The following MTERF4 variants were observed in gnomAD, a reference collection of about 807,000 sequenced individuals.
MTERF4 encodes mitochondrial transcription termination factor 4, also known as transcription termination factor 4, mitochondrial.
A neutral mutation model predicts 22.5 loss-of-function variants in MTERF4; 17 were observed. The observed-to-expected ratio is 0.75, with a 90% CI of 0.52 to 1.13. The LOEUF (loss-of-function observed/expected upper bound fraction) is 1.13. Ranked by LOEUF, MTERF4 falls within the 50% of genes most tolerant of loss-of-function variation. The pLI is 0.00. For synonymous variants in MTERF4, 165 were observed against 175.3 expected (o/e 0.94, Z 0.47); for missense variants, 420 against 466.8 (o/e 0.90, Z 0.92).
chr2:241,048,719 C>T, the MTERF4 span: 1 of 1,613,018 alleles, frequency 6.2e-7, no homozygotes, highest in South Asian at 1.1e-5. Flanking sequence ...GCCAACACCA[C>T]CCTCTGCCAG....
chr2:241,077,554 C>T (rs1344908904), intron 4 of MTERF4, among the ~76,000 whole-genome samples: 1 of 151,980 alleles, frequency 6.6e-6, no homozygotes, highest in African/African-American at 2.4e-5. Flanking sequence ...AGAGCTCTGA[C>T]AACTGAACAA....
At chr2:241,097,528 A>G (rs999695118) in intron 2 of MTERF4, 101 bp from the exon 3 acceptor site, 33 of 1,148,900 alleles carry the variant, frequency 2.9e-5, no homozygotes, top group Non-Finnish European at 4.0e-5. Context: ...AAAACAAACA[A>G]GGATCCTCTC....
chr2:241,052,379 C>T, the MTERF4 span: 5 of 1,585,382 alleles, frequency 3.2e-6, no homozygotes, highest in African/African-American at 2.7e-5. Flanking sequence ...TTCCGGAGCC[C>T]GTGTGTGAAT....
rs2062922593 is a variant in MTERF4 at position 241,074,480 on chromosome 2, TG to T, written n.1681del. On this transcript the variant is annotated non_coding_transcript_exon_variant, in exon 5 of 5. Coordinates refer to the MTERF4 transcript ENST00000464344. Reference sequence around the variant, plus strand: ...ACATTTCATCAGATGATTTGCATTATGTCAGCCCCTTTAAATACCAGGTGTT... The same window carrying T: ...ACATTTCATCAGATGATTTGCATTATTCAGCCCCTTTAAATACCAGGTGTT... 4 of 152,326 alleles carry T rather than the reference TG, an allele frequency of 2.6e-5. No homozygotes were observed. The East Asian group carries it at 7.7e-4, about 29-fold the overall frequency. The allele number at this position is 152,326 out of a possible 1,614,324, so 9.4% of individuals were successfully genotyped here. A position where few individuals can be genotyped will look rare whatever the true frequency, so the allele number is the denominator to read the frequency against.
downstream of MTERF4, chr2:241,087,569 G>A: frequency 6.8e-7 from 1 of 1,480,262 alleles, no homozygotes; most frequent in South Asian, 1.4e-5. Flanking sequence ...GCAGGCCTGT[G>A]GGCTGAGCCA....
At chr2:241,063,525 G>A in the MTERF4 span, 2 of 1,061,144 alleles carry the variant, frequency 1.9e-6, no homozygotes, top group Middle Eastern at 2.0e-4. Context: ...ACGGAATCCT[G>A]GGGGCATGTG....
downstream of MTERF4, among the ~76,000 whole-genome samples, chr2:241,089,565 CG>C (rs11315986): frequency 0.16 from 23,738 of 152,146 alleles, 2,534 homozygotes; most frequent in African/African-American, 0.31. Context: ...TCTGCCTCTT[CG>C]GATGTGGAAA....
chr2:241,064,890 C>T, the MTERF4 span: 15 of 1,585,218 alleles, frequency 9.5e-6, no homozygotes, highest in African/African-American at 1.4e-5. The surrounding 1 kb of genome is among the most constrained non-coding windows in gnomAD (Gnocchi z 7.0). Context: ...GTGGCTATTG[C>T]CTGGCCAGCA....
At chr2:241,088,444 G>A, downstream of MTERF4, 1 of 1,532,006 alleles carries the variant, frequency 6.5e-7, no homozygotes, top group Non-Finnish European at 9.0e-7. Context: ...CAGAGCTGCT[G>A]GGAAGTGGGG....
chr2:241,101,697 T>C (rs2064715382), intron 1 of MTERF4, among the ~76,000 whole-genome samples: 1 of 152,250 alleles, frequency 6.6e-6, no homozygotes, highest in African/African-American at 2.4e-5. Context: ...TCTATGCTGA[T>C]TCCGCTTCCT....
the MTERF4 span, among the ~76,000 whole-genome samples, chr2:241,042,811 G>A: frequency 1.6e-4 from 24 of 152,332 alleles, no homozygotes; most frequent in African/African-American, 5.5e-4. Flanking sequence ...AATTCAATAT[G>A]CATCACAGAG....
the MTERF4 span, chr2:241,053,125 G>A: frequency 1.8e-5 from 28 of 1,596,240 alleles, no homozygotes; most frequent in African/African-American, 1.1e-4. Context: ...GCACAGGACC[G>A]TGCGAGACAG....
At chr2:241,087,625 T>C, downstream of MTERF4, 1 of 1,440,198 alleles carries the variant, frequency 6.9e-7, no homozygotes, top group Non-Finnish European at 9.1e-7. Context: ...AGCCACGTTC[T>C]GCTACGAAAC....
At chr2:241,045,510 A>T in the MTERF4 span, among the ~76,000 whole-genome samples, 1 of 152,154 alleles carries the variant, frequency 6.6e-6, no homozygotes, top group Non-Finnish European at 1.5e-5. Flanking sequence ...AAATATAGCC[A>T]ATTAATTTTT....
the MTERF4 span, chr2:241,065,023 C>A: frequency 7.9e-7 from 1 of 1,261,956 alleles, no homozygotes; most frequent in Non-Finnish European, 1.1e-6. Flanking sequence ...GAGGGCCCAA[C>A]GGTCTCCAAG....
At chr2:241,089,477 T>G, downstream of MTERF4, 1 of 1,518,922 alleles carries the variant, frequency 6.6e-7, no homozygotes, top group African/African-American at 1.4e-5. Context: ...CCACACCCCC[T>G]TGGGGGAAAG....
the MTERF4 span, among the ~76,000 whole-genome samples, chr2:241,052,828 G>A: frequency 9.3e-3 from 1,049 of 112,722 alleles, 22 homozygotes; most frequent in East Asian, 0.027. Flanking sequence ...TACATGGGAT[G>A]CCGGTGTCAG....
In MTERF4 at chr2:241,095,901, A is replaced by C; in HGVS notation, c.*97T>G. ...GAGACCAGTTTTAGAATAAAAAATA[A>C]CTTGAGAAGATTCAAGTAAAGGACC... On this transcript the variant is annotated 3_prime_UTR_variant, in exon 4 of 4. Coordinates refer to ENST00000391980, the MANE Select transcript of MTERF4 (RefSeq NM_182501.4). The C allele has an allele frequency of 1.3e-6, 2 of 1,516,634 alleles. No individual in the cohort carries two copies. Among genetic ancestry groups the C allele is most frequent in the Non-Finnish European group, 1.8e-6 (2 of 1,136,370 alleles). The allele number at this position is 1,516,634 out of a possible 1,614,324, so 93.9% of individuals were successfully genotyped here.
At chr2:241,060,143 G>A in the MTERF4 span, among the ~76,000 whole-genome samples, 13 of 151,796 alleles carry the variant, frequency 8.6e-5, no homozygotes, top group Admixed American at 1.3e-4. Flanking sequence ...TTTTAAATGC[G>A]TAAAAGGAAC....
Sources: gnomAD v4.1 joint callset for allele counts (sites outside exome capture counted in the v4.1 genomes callset) on GRCh38, gnomAD v4.1.1 for gene constraint, Gnocchi (gnomAD v3.1) non-coding constraint, MANE v1.5 for transcripts, NCBI Gene and HGNC (gene_info 2026-07-23, HGNC 2026-07-21) for gene names.